Variants in CCSER1 observed in about 807,000 individuals in gnomAD.
CCSER1 encodes coiled-coil serine rich protein 1.
A neutral mutation model predicts 82.0 loss-of-function variants in CCSER1; 41 were observed. That is an observed-to-expected ratio of 0.50 (90% CI 0.39 to 0.65). The LOEUF is 0.65. Ranked by LOEUF, CCSER1 falls within the 30% of genes least tolerant of loss-of-function variation. The pLI, the probability that CCSER1 is intolerant of heterozygous loss-of-function variation, is 0.00. For synonymous variants in CCSER1, 414 were observed against 383.9 expected (o/e 1.08, Z -0.92); for missense variants, 1,119 against 1,064.2 (o/e 1.05, Z -0.72).
At chr4:90,468,477 TA>T (rs1763924221) in intron 5 of CCSER1, 123 bp downstream of exon 5, 3 of 814,924 alleles carry the variant, frequency 3.7e-6, no homozygotes, top group South Asian at 2.6e-5. Context: ...TTTTATGGGT[TA>T]AAAAATCATC....
chr4:90,933,029 AAAGAAAGAAAG>A (rs1730353948), intron 9 of CCSER1, among the ~76,000 whole-genome samples: 1 of 96,762 alleles, frequency 1.0e-5, no homozygotes, highest in Admixed American at 1.2e-4. Flanking sequence ...AGAAAGAAAG[AAAGAAAGAAAG>A]AAAGAGAAGG....
At chr4:90,131,569 T>G (rs1578121784) in intron 1 of CCSER1, among the ~76,000 whole-genome samples, 2 of 152,306 alleles carry the variant, frequency 1.3e-5, no homozygotes, top group East Asian at 3.9e-4. Context: ...TTATTCTTCA[T>G]ATAAAATGTG....
chr4:91,035,374 C>T (rs972660077), intron 9 of CCSER1, among the ~76,000 whole-genome samples: 1 of 152,078 alleles, frequency 6.6e-6, no homozygotes, highest in Non-Finnish European at 1.5e-5. Context: ...CCTTTGGTCT[C>T]TTTAAGAAAA....
intron 10 of CCSER1, among the ~76,000 whole-genome samples, chr4:91,228,524 T>C (rs1738384445): frequency 6.6e-6 from 1 of 152,032 alleles, no homozygotes; most frequent in Non-Finnish European, 1.5e-5. Context: ...TTATTTTAAA[T>C]ATATTCTATT....
rs548455247 is a variant in CCSER1, at chr4:90,804,217, T to A, written c.2011-11545T>A. Among the ~76,000 whole-genome samples the A allele has an allele frequency of 4.6e-5, 7 of 152,346 alleles. No homozygotes were observed. The East Asian group carries it at 9.6e-4, about 21-fold the overall frequency. ...GCTATGCAGAAGCTCTTTAGTTTAATTAGATCCCATTTGTCAGTTTTGGCT... is the reference window on the plus strand; with the variant it reads ...GCTATGCAGAAGCTCTTTAGTTTAAATAGATCCCATTTGTCAGTTTTGGCT... On this transcript the variant is annotated intron_variant, in intron 7 of 10. Transcript: ENST00000509176.
At position 90,128,333 on chromosome 4, in the gene CCSER1, G is replaced by T. The variant is rs535391230; in HGVS notation, c.-42+502G>T. 2.6e-5 allele frequency among the ~76,000 whole-genome samples: 4 copies of T among 152,290 alleles called. No homozygotes were observed. In the South Asian group the frequency reaches 8.3e-4, roughly 32 times the overall value. Reference sequence around the variant, plus strand: ...GGAGCCAGGGGCTCCCGGAGGAACCGCAGTGCGGGGCCGGGACCACCTCTT... The same window carrying T: ...GGAGCCAGGGGCTCCCGGAGGAACCTCAGTGCGGGGCCGGGACCACCTCTT... On this transcript the variant is annotated intron_variant, in intron 1 of 10. Transcript: ENST00000509176.
intron 10 of CCSER1, among the ~76,000 whole-genome samples, chr4:91,309,885 C>T (rs572245144): frequency 4.6e-5 from 7 of 152,010 alleles, no homozygotes; most frequent in African/African-American, 1.7e-4. Context: ...GGTGGCTTAA[C>T]CAACAGCAAT....
chr4:90,547,498 A>AT (rs909844364), intron 5 of CCSER1, among the ~76,000 whole-genome samples: 61 of 151,428 alleles, frequency 4.0e-4, no homozygotes, highest in African/African-American at 9.2e-4. Flanking sequence ...TTGCAGTCTA[A>AT]TTTTTTTTTC....
intron 9 of CCSER1, among the ~76,000 whole-genome samples, chr4:91,016,437 A>T (rs1384420588): frequency 6.6e-6 from 1 of 152,034 alleles, no homozygotes; most frequent in Non-Finnish European, 1.5e-5. Context: ...TATGTTTTAA[A>T]TAATCATCAG....
chr4:90,153,660 G>A (rs961050057), intron 1 of CCSER1, among the ~76,000 whole-genome samples: 7 of 152,036 alleles, frequency 4.6e-5, no homozygotes, highest in South Asian at 4.2e-4. Flanking sequence ...TTTTTCATGC[G>A]GTTTTTGGCT....
intron 6 of CCSER1, among the ~76,000 whole-genome samples, chr4:90,700,674 T>C (rs1342058016): frequency 1.3e-5 from 2 of 152,172 alleles, no homozygotes; most frequent in Non-Finnish European, 2.9e-5. Flanking sequence ...TTTTAATGAT[T>C]GCCATTCTAA....
At chr4:90,803,970 G>T (rs1013651861) in intron 7 of CCSER1, among the ~76,000 whole-genome samples, 42 of 152,304 alleles carry the variant, frequency 2.8e-4, no homozygotes, top group African/African-American at 9.4e-4. Context: ...CAGTGATGAT[G>T]ATTATTTTTT....
rs190649828 is a variant in CCSER1, at chr4:90,349,152, A to C, written c.1509+36105A>C. On this transcript the variant is annotated intron_variant, in intron 3 of 10. Transcript: ENST00000509176. ...ATATTAGGGAATTTGGGAAGGTGAA[A>C]TTTGAAGTAAACAAGTATATTGACT... 8.8e-4 allele frequency among the ~76,000 whole-genome samples: 134 copies of C among 152,244 alleles called. 1 individual carries two copies. The Middle Eastern group carries it at 0.037, about 43-fold the overall frequency.
chr4:90,898,503 G>C (rs1198990718), intron 8 of CCSER1, among the ~76,000 whole-genome samples: 1 of 150,748 alleles, frequency 6.6e-6, no homozygotes, highest in Non-Finnish European at 1.5e-5. Context: ...GGCCAGGTTG[G>C]TCTTGAACTC....
intron 5 of CCSER1, among the ~76,000 whole-genome samples, chr4:90,527,907 A>G (rs1449277547): frequency 6.6e-6 from 1 of 152,174 alleles, no homozygotes; most frequent in Admixed American, 6.5e-5. Context: ...GCAGGAATAC[A>G]TACTATTCCC....
intron 10 of CCSER1, among the ~76,000 whole-genome samples, chr4:91,360,474 T>C (rs890011837): frequency 3.3e-5 from 5 of 151,786 alleles, no homozygotes; most frequent in Admixed American, 6.6e-5. Context: ...TCTGAGTACA[T>C]TATGCATCCA....
At chr4:90,926,615 T>C (rs569841042) in intron 9 of CCSER1, among the ~76,000 whole-genome samples, 1 of 152,154 alleles carries the variant, frequency 6.6e-6, no homozygotes, top group East Asian at 1.9e-4. Context: ...ATGAAACTAA[T>C]GTTAGTTTAC....
chr4:90,897,482 T>G (rs1480491349), intron 8 of CCSER1, among the ~76,000 whole-genome samples: 1 of 152,096 alleles, frequency 6.6e-6, no homozygotes, highest in Non-Finnish European at 1.5e-5. Flanking sequence ...TTCTTCTATA[T>G]GGCTCTGTAG....
At chr4:90,493,362 T>G (rs1290428045) in intron 5 of CCSER1, among the ~76,000 whole-genome samples, 2 of 152,166 alleles carry the variant, frequency 1.3e-5, no homozygotes, top group Admixed American at 1.3e-4. Context: ...ACAGGAAAAC[T>G]TCCCCAGCCT....
Sources: gnomAD v4.1 joint callset for allele counts (sites outside exome capture counted in the v4.1 genomes callset) on GRCh38, gnomAD v4.1.1 for gene constraint, MANE v1.5 for transcripts, NCBI Gene and HGNC (gene_info 2026-07-23, HGNC 2026-07-21) for gene names.